Variants in ROR2 observed in about 807,000 individuals in gnomAD.
ROR2 encodes tyrosine-protein kinase transmembrane receptor ROR2.
ROR2 carries 33 observed loss-of-function variants against 74.9 expected under a neutral mutation model. The observed-to-expected ratio is 0.44, with a 90% CI of 0.33 to 0.59. ROR2 has a LOEUF of 0.59. Ranked by LOEUF, ROR2 falls within the 20% of genes least tolerant of loss-of-function variation. The pLI is 0.02. For synonymous variants in ROR2, 586 were observed against 558.7 expected (o/e 1.05, Z -0.69); for missense variants, 1,216 against 1,313.8 (o/e 0.93, Z 1.15).
chr9:91,907,353 G>A (rs535695783), intron 1 of ROR2, among the ~76,000 whole-genome samples: 12 of 152,112 alleles, frequency 7.9e-5, no homozygotes, highest in African/African-American at 2.9e-4. Context: ...CAAACCAAAT[G>A]GACACAGCTG....
chr9:91,924,793 A>C (rs1831354944), intron 1 of ROR2, among the ~76,000 whole-genome samples: 2 of 152,022 alleles, frequency 1.3e-5, no homozygotes, highest in South Asian at 4.1e-4. Flanking sequence ...AAAAAAAAAA[A>C]AATTCTGATT....
intron 1 of ROR2, among the ~76,000 whole-genome samples, chr9:91,856,257 G>A (rs1829281979): frequency 6.6e-6 from 1 of 152,210 alleles, no homozygotes; most frequent in Admixed American, 6.5e-5. Flanking sequence ...TTGTGCAGCT[G>A]AGGCAGGAGG....
At chr9:91,838,342 C>T (rs978327432) in intron 1 of ROR2, among the ~76,000 whole-genome samples, 3 of 152,182 alleles carry the variant, frequency 2.0e-5, no homozygotes, top group African/African-American at 7.2e-5. Flanking sequence ...GGACCAGGGC[C>T]AAGTGCGCAC....
intron 1 of ROR2, among the ~76,000 whole-genome samples, chr9:91,870,521 T>G (rs1036013419): frequency 4.6e-5 from 7 of 152,228 alleles, no homozygotes; most frequent in African/African-American, 1.7e-4. Flanking sequence ...TTCACTTATT[T>G]TCAGGGCTCT....
intron 1 of ROR2, among the ~76,000 whole-genome samples, chr9:91,949,187 C>T (rs1343934724): frequency 6.6e-6 from 1 of 151,838 alleles, no homozygotes; most frequent in African/African-American, 2.4e-5. Flanking sequence ...AGTCACAAAC[C>T]ATTTCAATCC....
intron 5 of ROR2, 107 bp downstream of exon 5, chr9:91,737,284 C>T: frequency 7.2e-7 from 1 of 1,397,054 alleles, no homozygotes; most frequent in Non-Finnish European, 1.0e-6. Flanking sequence ...ATGGAAGAGG[C>T]ACCCACTGAC....
intron 1 of ROR2, among the ~76,000 whole-genome samples, chr9:91,853,607 G>A (rs915684316): frequency 1.3e-5 from 2 of 152,134 alleles, no homozygotes; most frequent in African/African-American, 4.8e-5. Flanking sequence ...ATGACAGGCA[G>A]TGCTCCTGAG....
chr9:91,733,065 C>T lies in ROR2; in HGVS notation c.937+57G>A, dbSNP rs1013228940. 8 of 1,497,606 alleles carry T rather than the reference C, an allele frequency of 5.3e-6. No homozygotes were observed. The highest frequency in any genetic ancestry group is 2.8e-5 in the African/African-American group (2 of 72,162). 92.8% of individuals were successfully genotyped at this position (1,497,606 alleles called of 1,614,324 possible). A position where few individuals can be genotyped will look rare whatever the true frequency, so the allele number is the denominator to read the frequency against. On this transcript the variant is annotated intron_variant, in intron 6 of 8. Coordinates refer to ENST00000375708, the MANE Select transcript of ROR2 (RefSeq NM_004560.4). The surrounding 1 kb of genome is among the most constrained non-coding windows in gnomAD (Gnocchi z 5.7). ...TTCACCGACACCCCCATACACATTT[C>T]AAGGGCCCTACACTCCCTGCGCCCC...
chr9:91,750,202 G>A (rs186715943), intron 4 of ROR2, among the ~76,000 whole-genome samples: 10 of 152,150 alleles, frequency 6.6e-5, no homozygotes, highest in South Asian at 2.1e-4. Flanking sequence ...GCACCCGGCC[G>A]AAAAACACAT....
intron 1 of ROR2, among the ~76,000 whole-genome samples, chr9:91,811,843 C>G (rs933141678): frequency 4.6e-5 from 7 of 152,154 alleles, no homozygotes; most frequent in African/African-American, 1.4e-4. Context: ...TCTTTCTATT[C>G]CTGGTTAAAA....
chr9:91,949,831 T>A, intron 1 of ROR2, 36 bp downstream of exon 1: 1 of 1,310,070 alleles, frequency 7.6e-7, no homozygotes, highest in Non-Finnish European at 1.1e-6. Context: ...AGCCGTGAGC[T>A]ACCGTCTGCG....
chr9:91,906,703 T>A (rs1200291910), intron 1 of ROR2, among the ~76,000 whole-genome samples: 1 of 152,226 alleles, frequency 6.6e-6, no homozygotes, highest in Non-Finnish European at 1.5e-5. Context: ...CTTTATTTTC[T>A]ATTAATCTTT....
intron 1 of ROR2, among the ~76,000 whole-genome samples, chr9:91,918,755 TTAAAA>T (rs1429083917): frequency 1.3e-5 from 2 of 152,180 alleles, no homozygotes; most frequent in African/African-American, 2.4e-5. Flanking sequence ...AATTCTGTTG[TTAAAA>T]TAAAAGGGAC....
chr9:91,810,267 A>G (rs760466888), intron 1 of ROR2, among the ~76,000 whole-genome samples: 57 of 152,174 alleles, frequency 3.7e-4, no homozygotes, highest in Non-Finnish European at 6.5e-4. Context: ...GAGTTTGAAC[A>G]GCTACACTAT....
At chr9:91,841,082 T>A (rs1828769191) in intron 1 of ROR2, among the ~76,000 whole-genome samples, 1 of 152,186 alleles carries the variant, frequency 6.6e-6, no homozygotes, top group African/African-American at 2.4e-5. Flanking sequence ...GTGGGTCCAG[T>A]CTCATTCCCC....
At chr9:91,769,098 G>A (rs2118903227) in intron 2 of ROR2, among the ~76,000 whole-genome samples, 1 of 152,272 alleles carries the variant, frequency 6.6e-6, no homozygotes, top group South Asian at 2.1e-4. Flanking sequence ...GGGCTGAACT[G>A]GCTGCTGACT....
intron 1 of ROR2, among the ~76,000 whole-genome samples, chr9:91,788,860 C>CAA (rs60152648): frequency 1.3e-4 from 11 of 86,808 alleles, no homozygotes; most frequent in African/African-American, 4.5e-4. Flanking sequence ...GACTCTGTCT[C>CAA]AAAAAAAAAA....
chr9:91,841,439 A>G (rs904341522), intron 1 of ROR2, among the ~76,000 whole-genome samples: 1 of 152,246 alleles, frequency 6.6e-6, no homozygotes, highest in African/African-American at 2.4e-5. Context: ...CTGCCCCTAA[A>G]GTCACAGCCA....
At chr9:91,848,582 G>A (rs990399310) in intron 1 of ROR2, among the ~76,000 whole-genome samples, 1 of 152,022 alleles carries the variant, frequency 6.6e-6, no homozygotes, top group East Asian at 1.9e-4. Flanking sequence ...CCAACATGGC[G>A]AAACACTACT....
Sources: gnomAD v4.1 joint callset for allele counts (sites outside exome capture counted in the v4.1 genomes callset) on GRCh38, gnomAD v4.1.1 for gene constraint, Gnocchi (gnomAD v3.1) non-coding constraint, MANE v1.5 for transcripts, NCBI Gene and HGNC (gene_info 2026-07-23, HGNC 2026-07-21) for gene names.